GRID2: variants seen among roughly 807,000 people sequenced by gnomAD.
GRID2 encodes glutamate ionotropic receptor delta type subunit 2, also known as glutamate receptor ionotropic, delta-2.
GRID2 carries 33 observed loss-of-function variants against 114.8 expected under a neutral mutation model. The observed-to-expected ratio is 0.29, with a 90% CI of 0.22 to 0.38. GRID2 has a LOEUF of 0.38. Among genes scored for constraint, GRID2 ranks in the 10% least tolerant of loss-of-function variants. The pLI, the probability that GRID2 is intolerant of heterozygous loss-of-function variation, is 1.00. For synonymous variants in GRID2, 505 were observed against 449.9 expected, an observed-to-expected ratio of 1.12 and a Z score of -1.55; for missense variants, 1,184 against 1,257.7, an observed-to-expected ratio of 0.94 and a Z score of 0.89.
intron 14 of GRID2, among the ~76,000 whole-genome samples, chr4:93,667,186 G>A (rs1724018750): frequency 6.6e-6 from 1 of 151,952 alleles, no homozygotes. Flanking sequence ...AGTCAGAGGT[G>A]TGCATGGATT....
chr4:93,701,253 T>C (rs997131511), intron 14 of GRID2, among the ~76,000 whole-genome samples: 2 of 152,192 alleles, frequency 1.3e-5, no homozygotes, highest in Admixed American at 6.5e-5. Flanking sequence ...TCAAGAACTT[T>C]ATTTCTAAAA....
At chr4:92,543,203 G>A (rs1726068037) in intron 1 of GRID2, among the ~76,000 whole-genome samples, 1 of 152,008 alleles carries the variant, frequency 6.6e-6, no homozygotes. Context: ...ACACTACTAT[G>A]TTATTTCTGC....
At chr4:93,093,832 A>G (rs11940921) in intron 3 of GRID2, among the ~76,000 whole-genome samples, 68,323 of 151,246 alleles carry the variant, frequency 0.45, 15,831 homozygotes, top group Admixed American at 0.6. Context: ...AGCTAATGCC[A>G]GGGAAAAGGG....
At chr4:92,826,347 C>T (rs1306283741) in intron 2 of GRID2, among the ~76,000 whole-genome samples, 1 of 152,134 alleles carries the variant, frequency 6.6e-6, no homozygotes, top group Non-Finnish European at 1.5e-5. Flanking sequence ...CTCATTGAGG[C>T]TTTTCCTGGA....
At chr4:93,149,849 G>A (rs769447464) in intron 4 of GRID2, among the ~76,000 whole-genome samples, 29 of 151,430 alleles carry the variant, frequency 1.9e-4, no homozygotes, top group Admixed American at 1.6e-3. Context: ...TGACCAGGCC[G>A]GTCTTGAACT....
chr4:93,150,337 G>A (rs13142145), intron 4 of GRID2, among the ~76,000 whole-genome samples: 59,204 of 151,876 alleles, frequency 0.39, 11,926 homozygotes, highest in Admixed American at 0.54. Flanking sequence ...TATATTAATA[G>A]GATTACAAAC....
At chr4:93,361,800 C>A (rs1334811561) in intron 8 of GRID2, among the ~76,000 whole-genome samples, 3 of 151,984 alleles carry the variant, frequency 2.0e-5, no homozygotes, top group Non-Finnish European at 4.4e-5. Flanking sequence ...TGTGTGGAAA[C>A]AGGCATGCCT....
At chr4:92,881,400 T>G (rs1746000611) in intron 2 of GRID2, among the ~76,000 whole-genome samples, 2 of 152,208 alleles carry the variant, frequency 1.3e-5, no homozygotes, top group Non-Finnish European at 2.9e-5. Flanking sequence ...AGAAGCTAAG[T>G]ACTTGGCCAA....
intron 1 of GRID2, among the ~76,000 whole-genome samples, chr4:92,367,557 G>A (rs567297908): frequency 1.3e-5 from 2 of 152,088 alleles, no homozygotes; most frequent in Admixed American, 1.3e-4. Context: ...ACATACAGGG[G>A]TGACTAAAAC....
rs1237687539 is a variant in GRID2 at position 93,626,448 on chromosome 4, T to G, written c.2360+13T>G. The G allele has an allele frequency of 6.5e-7, 1 of 1,550,320 alleles. No homozygotes were observed. On this transcript the variant is annotated intron_variant, in intron 14 of 15. Transcript: ENST00000282020. Reference sequence around the variant, plus strand: ...TTTTTTCACAAAGGTAAGATTTGTGTATGACCAAATAAGGGGAGAGATGAA... The same window carrying G: ...TTTTTTCACAAAGGTAAGATTTGTGGATGACCAAATAAGGGGAGAGATGAA...
chr4:93,308,026 T>A (rs1755620468), intron 8 of GRID2, among the ~76,000 whole-genome samples: 1 of 152,096 alleles, frequency 6.6e-6, no homozygotes, highest in Non-Finnish European at 1.5e-5. Context: ...AACATAGGGA[T>A]CTATGTACTG....
chr4:93,382,799 A>T (rs1763980582), intron 8 of GRID2, among the ~76,000 whole-genome samples: 1 of 151,360 alleles, frequency 6.6e-6, no homozygotes, highest in Admixed American at 6.6e-5. Flanking sequence ...TGGATGCCTT[A>T]TAATTTTTTT....
chr4:93,645,423 G>C, intron 14 of GRID2, among the ~76,000 whole-genome samples: 1 of 152,110 alleles, frequency 6.6e-6, no homozygotes, highest in East Asian at 1.9e-4. Flanking sequence ...TGAGAGAGAG[G>C]CTGGAGCGAT....
At chr4:92,911,651 A>T (rs1748390629) in intron 2 of GRID2, among the ~76,000 whole-genome samples, 1 of 151,934 alleles carries the variant, frequency 6.6e-6, no homozygotes, top group South Asian at 2.1e-4. Flanking sequence ...TATATTGTGG[A>T]AATAATATGT....
At position 92,526,934 on chromosome 4, in the gene GRID2, T is replaced by C. The variant is rs375160250; in HGVS notation, c.89-63197T>C. ...ATGAATTTATCATCATGTAGCCCCATTATAAGTCAAGGAGCATCTATATAG... is the reference window on the plus strand; with the variant it reads ...ATGAATTTATCATCATGTAGCCCCACTATAAGTCAAGGAGCATCTATATAG... On this transcript the variant is annotated intron_variant, in intron 1 of 15. Transcript: ENST00000282020. Among the ~76,000 whole-genome samples the C allele has an allele frequency of 3.3e-5, 5 of 152,212 alleles. No homozygotes were observed. The East Asian group carries it at 5.8e-4, about 18-fold the overall frequency.
At chr4:92,355,587 G>A (rs560549822) in intron 1 of GRID2, among the ~76,000 whole-genome samples, 12 of 151,928 alleles carry the variant, frequency 7.9e-5, no homozygotes, top group Non-Finnish European at 1.8e-4. Flanking sequence ...TTTACGTTAT[G>A]ACATATAAGC....
chr4:93,364,922 A>T (rs1189448091), intron 8 of GRID2, among the ~76,000 whole-genome samples: 2 of 152,066 alleles, frequency 1.3e-5, no homozygotes. Context: ...ATTAGTCCTG[A>T]TATATCATTT....
intron 2 of GRID2, among the ~76,000 whole-genome samples, chr4:92,920,874 C>T (rs888457617): frequency 2.0e-5 from 3 of 152,064 alleles, no homozygotes; most frequent in African/African-American, 7.2e-5. Flanking sequence ...CTCTGTATTT[C>T]CTAAATTTGA....
intron 1 of GRID2, among the ~76,000 whole-genome samples, chr4:92,572,943 A>G (rs62307858): frequency 0.085 from 12,905 of 151,898 alleles, 645 homozygotes; most frequent in African/African-American, 0.13. Flanking sequence ...CCATGAATCT[A>G]TCTGGCCCTG....
Sources: gnomAD v4.1 joint callset for allele counts (sites outside exome capture counted in the v4.1 genomes callset) on GRCh38, gnomAD v4.1.1 for gene constraint, MANE v1.5 for transcripts, NCBI Gene and HGNC (gene_info 2026-07-23, HGNC 2026-07-21) for gene names.